The following NXPE2 variants were observed in gnomAD, a reference collection of about 807,000 sequenced individuals.
NXPE2 encodes neurexophilin and PC-esterase domain family member 2.
NXPE2 carries 34 observed loss-of-function variants against 34.4 expected under a neutral mutation model. The observed-to-expected ratio is 0.99, with a 90% CI of 0.75 to 1.31. NXPE2 has a LOEUF of 1.31. Ranked by LOEUF, NXPE2 falls within the 40% of genes most tolerant of loss-of-function variation. The pLI, the probability that NXPE2 is intolerant of heterozygous loss-of-function variation, is 0.00. For missense variants in NXPE2, 649 were observed against 672.5 expected (o/e 0.97, Z 0.39); for synonymous variants, 235 against 231.3 (o/e 1.02, Z -0.15).
chr11:114,698,638 C>G lies in NXPE2; in HGVS notation c.726C>G (p.Cys242Trp). The change falls in exon 3 of 6, where the codon TGC becomes TGG. Residue 242 changes from cysteine to tryptophan, a missense_variant. Coordinates refer to ENST00000389586, the MANE Select transcript of NXPE2 (RefSeq NM_182495.6). ...GLTLNTNAEL[C>W]QYMDDRDQEA... is the part of the protein sequence containing the mutation. ...CCCTAAACACAAATGCTGAACTGTGCCAGTACATGGATGACAGAGACCAAG... is the reference window on the plus strand; with the variant it reads ...CCCTAAACACAAATGCTGAACTGTGGCAGTACATGGATGACAGAGACCAAG... 1 of 1,614,146 alleles carries G rather than the reference C, an allele frequency of 6.2e-7. No homozygotes were observed. The highest frequency in any genetic ancestry group is 8.5e-7 in the Non-Finnish European group (1 of 1,180,006).
At chr11:114,727,048 A>G in the NXPE2 span, among the ~76,000 whole-genome samples, 1 of 152,034 alleles carries the variant, frequency 6.6e-6, no homozygotes, top group Admixed American at 6.6e-5. Context: ...CATATACCTA[A>G]AAACTCTTTC....
the NXPE2 span, among the ~76,000 whole-genome samples, chr11:114,589,115 T>G: frequency 6.6e-6 from 1 of 151,884 alleles, no homozygotes; most frequent in Non-Finnish European, 1.5e-5. Flanking sequence ...TCAGAGGACT[T>G]TAAAAAGGAT....
the NXPE2 span, among the ~76,000 whole-genome samples, chr11:114,808,365 G>C: frequency 6.6e-6 from 1 of 151,188 alleles, no homozygotes; most frequent in Admixed American, 6.6e-5. Flanking sequence ...GAAGGAAATA[G>C]AGACACAAAA....
At chr11:114,583,909 C>A in the NXPE2 span, 296 of 394,060 alleles carry the variant, frequency 7.5e-4, 1 homozygote, top group African/African-American at 5.6e-3. Flanking sequence ...CTGGCAAAGG[C>A]AGATATTATG....
the NXPE2 span, chr11:114,582,620 G>T: frequency 2.0e-4 from 325 of 1,614,144 alleles, 1 homozygote; most frequent in African/African-American, 3.8e-3. Context: ...ACAGAGTGAA[G>T]CTGACCAGGT....
At chr11:114,516,759 T>C in the NXPE2 span, among the ~76,000 whole-genome samples, 1 of 152,166 alleles carries the variant, frequency 6.6e-6, no homozygotes, top group Non-Finnish European at 1.5e-5. Context: ...TACATGCTGT[T>C]CCTTCTGGAA....
chr11:114,690,236 T>C (rs1394123214), intron 2 of NXPE2, among the ~76,000 whole-genome samples: 1 of 152,164 alleles, frequency 6.6e-6, no homozygotes, highest in Non-Finnish European at 1.5e-5. Context: ...AACATTCTTT[T>C]ATTTCCATAT....
At chr11:114,615,742 G>C in the NXPE2 span, among the ~76,000 whole-genome samples, 6 of 151,448 alleles carry the variant, frequency 4.0e-5, no homozygotes, top group African/African-American at 1.5e-4. Context: ...GGTAACCGCT[G>C]TTACTCAGTG....
chr11:114,576,227 A>G, the NXPE2 span, among the ~76,000 whole-genome samples: 1 of 152,190 alleles, frequency 6.6e-6, no homozygotes, highest in Non-Finnish European at 1.5e-5. Context: ...CTTAAATTTA[A>G]GACCTGAAGC....
chr11:114,620,469 G>A, the NXPE2 span, among the ~76,000 whole-genome samples: 1 of 152,106 alleles, frequency 6.6e-6, no homozygotes, highest in Non-Finnish European at 1.5e-5. Flanking sequence ...TGCCTCTAGG[G>A]TAACCACTGT....
intron 2 of NXPE2, among the ~76,000 whole-genome samples, chr11:114,691,121 T>C (rs185458170): frequency 2.0e-5 from 3 of 152,270 alleles, no homozygotes; most frequent in East Asian, 3.9e-4. Context: ...GAGTGAATGG[T>C]ATCCTTTGGA....
the NXPE2 span, among the ~76,000 whole-genome samples, chr11:114,473,136 C>A: frequency 2.6e-5 from 4 of 152,250 alleles, no homozygotes; most frequent in Admixed American, 2.6e-4. Context: ...TTCTGAGGGT[C>A]TCCCCAAATA....
chr11:114,520,827 G>A, the NXPE2 span, among the ~76,000 whole-genome samples: 5 of 152,084 alleles, frequency 3.3e-5, no homozygotes, highest in Non-Finnish European at 5.9e-5. Flanking sequence ...CTTTCTTACA[G>A]ATCTCGCTCC....
the NXPE2 span, among the ~76,000 whole-genome samples, chr11:114,656,954 C>T: frequency 7.9e-5 from 12 of 151,986 alleles, no homozygotes; most frequent in African/African-American, 2.4e-4. Context: ...ATTAGCCAGG[C>T]GTGGTGGTGG....
chr11:114,687,466 G>A (rs1320530932), intron 2 of NXPE2, among the ~76,000 whole-genome samples: 4 of 151,996 alleles, frequency 2.6e-5, no homozygotes, highest in Non-Finnish European at 5.9e-5. Context: ...TGTTCCATTA[G>A]TCTATGTGCC....
At chr11:114,592,989 T>C in the NXPE2 span, among the ~76,000 whole-genome samples, 1 of 151,978 alleles carries the variant, frequency 6.6e-6, no homozygotes, top group Admixed American at 6.6e-5. Context: ...AAGAATGAAA[T>C]TAGACCATTT....
chr11:114,664,229 C>T, the NXPE2 span, among the ~76,000 whole-genome samples: 1 of 152,038 alleles, frequency 6.6e-6, no homozygotes, highest in Non-Finnish European at 1.5e-5. Context: ...ATCTCAAATG[C>T]AGTATGCCAA....
chr11:114,800,763 TAACACTGTTTA>T, the NXPE2 span, among the ~76,000 whole-genome samples: 1 of 146,896 alleles, frequency 6.8e-6, no homozygotes, highest in Non-Finnish European at 1.5e-5. Context: ...GGTCTGTTTA[TAACACTGTTTA>T]AAAGAAGATA....
intron 3 of NXPE2, among the ~76,000 whole-genome samples, chr11:114,701,548 C>T (rs939630206): frequency 5.3e-5 from 8 of 152,270 alleles, no homozygotes; most frequent in East Asian, 1.9e-4. Context: ...TTTTCTCCTA[C>T]TGCATGGAAA....
Sources: allele counts gnomAD v4.1 joint callset (sites outside exome capture counted in the v4.1 genomes callset), GRCh38; gene constraint gnomAD v4.1.1; transcripts MANE v1.5; gene names NCBI Gene and HGNC (gene_info 2026-07-23, HGNC 2026-07-21).